DKC1: variants seen among roughly 807,000 people sequenced by gnomAD.
DKC1 encodes dyskerin pseudouridine synthase 1.
A neutral mutation model predicts 46.7 loss-of-function variants in DKC1; 4 were observed. That is an observed-to-expected ratio of 0.09 (90% CI 0.04 to 0.20). The LOEUF (loss-of-function observed/expected upper bound fraction) is 0.20, where lower values mean the gene tolerates loss of function less well. Ranked by LOEUF, DKC1 falls within the 10% of genes least tolerant of loss-of-function variation. DKC1 has a pLI of 1.00. For synonymous variants in DKC1, 141 were observed against 142.4 expected (o/e 0.99, Z 0.07); for missense variants, 171 against 404.2 (o/e 0.42, Z 4.95).
At chrX:154,771,188 T>TG (rs2071821223) in intron 10 of DKC1, among the ~76,000 whole-genome samples, 1 of 53,118 alleles carries the variant, frequency 1.9e-5, no homozygotes, top group South Asian at 1.2e-3. Flanking sequence ...GGTGGTGGTG[T>TG]TTTTTTTTTT....
In DKC1 at chrX:154,767,343, G is replaced by C; in HGVS notation, c.601G>C (p.Glu201Gln). 8.3e-7 allele frequency: 1 copy of C among 1,211,631 alleles called. No homozygotes were observed. The highest frequency in any genetic ancestry group is 1.1e-6 in the Non-Finnish European group (1 of 895,389). ...KRQLRVRTIY[E>Q]SKMIEYDPER... ...GCAGCTCCGAGTGAGGACCATCTAC[G>C]AGAGCAAAATGATTGAATACGATCC... Residue 201 changes from glutamate to glutamine, a missense_variant, in exon 7 of 15, where the codon GAG becomes CAG. Glu to Gln is a conservative substitution (Grantham distance 29). Around this residue, in one of 4 missense-constraint regions of DKC1, gnomAD observed 60 missense variants for 206.5 expected, o/e 0.29. Transcript: ENST00000369550.
intron 2 of DKC1, chrX:154,765,222 C>G (rs1557264018): frequency 1.2e-5 from 6 of 482,373 alleles, no homozygotes; most frequent in Non-Finnish European, 2.2e-5. Flanking sequence ...CACAGACCCG[C>G]CATCCCCCTT....
At chrX:154,770,483 A>AG (rs1463950334) in intron 9 of DKC1, among the ~76,000 whole-genome samples, 4 of 108,126 alleles carry the variant, frequency 3.7e-5, no homozygotes, top group East Asian at 2.8e-4. Flanking sequence ...AAAAAAAAAA[A>AG]AAAAAAGAAA....
chrX:154,771,998 C>T (rs782370956), intron 10 of DKC1, among the ~76,000 whole-genome samples: 96 of 112,543 alleles, frequency 8.5e-4, no homozygotes, highest in Non-Finnish European at 1.3e-3. Context: ...TCCCTTTTCT[C>T]CACATCCTTG....
At position 154,766,208 on chromosome X, in the gene DKC1, C is replaced by A. The variant is rs1557264149; in HGVS notation, c.264-8C>A. ...GTGATACATTAATTTTTTTTTTTTCCATTCCAGGACAGGTTTCATTAATCT... is the reference window on the plus strand; with the variant it reads ...GTGATACATTAATTTTTTTTTTTTCAATTCCAGGACAGGTTTCATTAATCT... On this transcript the variant is annotated splice_region_variant and splice_polypyrimidine_tract_variant and intron_variant, in intron 4 of 14. Coordinates refer to ENST00000369550, the MANE Select transcript of DKC1 (RefSeq NM_001363.5). The A allele has an allele frequency of 1.7e-6, 2 of 1,203,052 alleles. No individual in the cohort carries two copies. The highest frequency in any genetic ancestry group is 2.2e-5 in the Admixed American group (1 of 45,448).
Position 154,765,339 on chromosome X carries a change from G to A in DKC1, c.85-105G>A, listed in dbSNP as rs781910103. The stretch of plus-strand genomic sequence containing the variant: ...TTGGAGGTCCCAGTGAAAAGGCATA[G>A]GAAGCCTTGTTTTCTGTTTAAAAGG... On this transcript the variant is annotated intron_variant, in intron 2 of 14. Transcript: ENST00000369550. 1.5e-4 allele frequency: 102 copies of A among 685,497 alleles called. No homozygotes were observed. The African/African-American group carries it at 2.0e-3, about 14-fold the overall frequency. 56.5% of individuals were successfully genotyped at this position (685,497 alleles called of 1,213,427 possible). A position where few individuals can be genotyped will look rare whatever the true frequency, so the allele number is the denominator to read the frequency against.
In DKC1 at chrX:154,762,938, G is replaced by A. The variant is rs1557263721; in HGVS notation, c.-28G>A. 8.5e-7 allele frequency: 1 copy of A among 1,178,009 alleles called. No homozygotes were observed. Among genetic ancestry groups the A allele is most frequent in the South Asian group, 1.9e-5 (1 of 53,385 alleles). Reference sequence around the variant, plus strand: ...GCGGTCGTTCCCTCGGCTGTGGACCGGGCGGCACGCACGCGGTGCAGGGTA... The same window carrying A: ...GCGGTCGTTCCCTCGGCTGTGGACCAGGCGGCACGCACGCGGTGCAGGGTA... On this transcript the variant is annotated 5_prime_UTR_variant, in exon 1 of 15. Transcript: ENST00000369550.
Position 154,762,940 on chromosome X carries a change from G to A in DKC1, c.-26G>A, listed in dbSNP as rs781837175. On this transcript the variant is annotated 5_prime_UTR_variant, in exon 1 of 15. Transcript: ENST00000369550. ...GGTCGTTCCCTCGGCTGTGGACCGG[G>A]CGGCACGCACGCGGTGCAGGGTAAC... The A allele has an allele frequency of 2.8e-5, 33 of 1,177,550 alleles. No homozygotes were observed. Among genetic ancestry groups the A allele is most frequent in the Non-Finnish European group, 2.2e-5 (19 of 878,188 alleles).
rs2071747651 is a variant in DKC1 at position 154,766,569 on chromosome X, G to C, written c.448+169G>C. 16 of 498,772 alleles carry C rather than the reference G, an allele frequency of 3.2e-5. No individual in the cohort carries two copies. The South Asian group carries it at 5.1e-4, about 16-fold the overall frequency. 41.1% of individuals were successfully genotyped at this position (498,772 alleles called of 1,213,427 possible). On this transcript the variant is annotated intron_variant, in intron 5 of 14. Transcript: ENST00000369550. ...TTCTGTCCCCTGCCAGATCTTGGTG[G>C]TCCGCGCTTTTTGGAATTCCACATA...
intron 1 of DKC1, among the ~76,000 whole-genome samples, chrX:154,763,419 A>G (rs1557263812): frequency 8.9e-6 from 1 of 112,114 alleles, no homozygotes; most frequent in African/African-American, 3.2e-5. Context: ...GAGTTGCAAG[A>G]AAGTTCTAGA....
intron 10 of DKC1, among the ~76,000 whole-genome samples, chrX:154,771,404 C>T (rs150604585): frequency 9.7e-4 from 105 of 108,358 alleles, no homozygotes; most frequent in Non-Finnish European, 1.5e-3. Context: ...GTTGGTCAGG[C>T]TGGTCTCGAA....
intron 1 of DKC1, among the ~76,000 whole-genome samples, chrX:154,764,121 C>T (rs1243969987): frequency 9.3e-6 from 1 of 107,660 alleles, no homozygotes; most frequent in Non-Finnish European, 1.9e-5. Flanking sequence ...GTTTCTGCCA[C>T]TGCACTCCAG....
Position 154,767,236 on chromosome X carries a change from T to C in DKC1, c.514-20T>C. 1.7e-6 allele frequency: 2 copies of C among 1,211,773 alleles called. No homozygotes were observed. The highest frequency in any genetic ancestry group is 2.2e-6 in the Non-Finnish European group (2 of 895,427). ...GTACATTCTGATGAGGTGTTTGTTTTCATTTGTGTTTGTTCTTAGGCCCTA... is the reference window on the plus strand; with the variant it reads ...GTACATTCTGATGAGGTGTTTGTTTCCATTTGTGTTTGTTCTTAGGCCCTA... On this transcript the variant is annotated intron_variant, in intron 6 of 14. Coordinates refer to ENST00000369550, the MANE Select transcript of DKC1 (RefSeq NM_001363.5).
chrX:154,767,088 C>T (rs1485456070), intron 6 of DKC1, 27 bp downstream of exon 6: 6 of 1,195,251 alleles, frequency 5.0e-6, no homozygotes, highest in East Asian at 3.0e-5. Flanking sequence ...AGGGAGGACA[C>T]CCTTTGTTGA....
chrX:154,774,660 C>T lies in DKC1; in HGVS notation c.1214C>T (p.Thr405Ile), dbSNP rs782379748. 4 of 1,210,165 alleles carry T rather than the reference C, an allele frequency of 3.3e-6. No individual in the cohort carries two copies. Among genetic ancestry groups the T allele is most frequent in the African/African-American group, 1.7e-5 (1 of 57,254 alleles). Residue 405 changes from threonine to isoleucine, a missense_variant, in exon 12 of 15, where the codon ACA becomes ATA. Around this residue, in one of 4 missense-constraint regions of DKC1, gnomAD observed 60 missense variants for 206.5 expected, o/e 0.29. Transcript: ENST00000369550. Reference protein sequence around the residue: ...QGLLDKHGKPTDSTPATWKQE... With the variant: ...QGLLDKHGKPIDSTPATWKQE... ...CTTCTGGACAAGCATGGGAAGCCCA[C>T]AGACAGCACACCTGCCACCTGGAAG...
At chrX:154,767,193 G>A in intron 6 of DKC1, 63 bp from the exon 7 acceptor site, 2 of 1,203,908 alleles carry the variant, frequency 1.7e-6, no homozygotes, top group Admixed American at 4.3e-5. Context: ...CAGCCAGCCT[G>A]GACCAGTGAC....
intron 1 of DKC1, among the ~76,000 whole-genome samples, chrX:154,764,608 A>T (rs939762289): frequency 9.1e-6 from 1 of 110,392 alleles, no homozygotes; most frequent in Non-Finnish European, 1.9e-5. Context: ...TTCTTAAAAA[A>T]TTTTTTTTTG....
rs1216909620 is a variant in DKC1 at position 154,766,463 on chromosome X, G to C, written c.448+63G>C. 1.0e-4 allele frequency: 104 copies of C among 1,009,523 alleles called. 5 individuals carry two copies. Among genetic ancestry groups the C allele is most frequent in the Non-Finnish European group, 1.9e-5 (14 of 727,996 alleles). 83.2% of individuals were successfully genotyped at this position (1,009,523 alleles called of 1,213,427 possible). A position where few individuals can be genotyped will look rare whatever the true frequency, so the allele number is the denominator to read the frequency against. On this transcript the variant is annotated intron_variant, in intron 5 of 14. Transcript: ENST00000369550. ...AAAGCTTTCTGTATTTCCCTTCTAT[G>C]TTTTGTCTGCTGGAAACTATTTCTT... is the stretch of plus-strand genomic sequence containing the variant.
chrX:154,770,938 T>C (rs1464991882), intron 10 of DKC1, 59 bp downstream of exon 10: 2 of 1,127,590 alleles, frequency 1.8e-6, no homozygotes, highest in Non-Finnish European at 2.4e-6. Flanking sequence ...ACTAGGTGTA[T>C]ATATTTATGG....
Sources: gnomAD v4.1 joint callset for allele counts (sites outside exome capture counted in the v4.1 genomes callset) on GRCh38, gnomAD v4.1.1 for gene constraint, gnomAD v4.1.1 regional missense constraint, MANE v1.5 for transcripts, NCBI Gene and HGNC (gene_info 2026-07-23, HGNC 2026-07-21) for gene names.